The following PARN variants were observed in gnomAD, a reference collection of about 807,000 sequenced individuals.
The protein encoded by PARN is poly(A)-specific ribonuclease PARN.
PARN carries 71 observed loss-of-function variants against 102.8 expected under a neutral mutation model. The observed-to-expected ratio is 0.69, with a 90% CI of 0.57 to 0.84. PARN has a LOEUF of 0.84. Ranked by LOEUF, PARN falls within the 40% of genes least tolerant of loss-of-function variation. The pLI is 0.00. For missense variants in PARN, 782 were observed against 760.9 expected, an observed-to-expected ratio of 1.03 and a Z score of -0.33; for synonymous variants, 261 against 252.9, an observed-to-expected ratio of 1.03 and a Z score of -0.30.
intron 22 of PARN, among the ~76,000 whole-genome samples, chr16:14,478,798 T>C (rs74452962): frequency 9.2e-5 from 14 of 152,246 alleles, no homozygotes; most frequent in Admixed American, 9.2e-4. Context: ...TTCTTTTTTT[T>C]GAGATGAAGT....
chr16:14,586,275 C>A, intron 14 of PARN, 43 bp downstream of exon 14: 2 of 1,301,254 alleles, frequency 1.5e-6, no homozygotes, highest in Non-Finnish European at 2.2e-6. Context: ...CCGTGCCCAG[C>A]CAACTTTTTT....
At chr16:14,542,568 A>T (rs2911480) in intron 21 of PARN, among the ~76,000 whole-genome samples, 114,581 of 140,842 alleles carry the variant, frequency 0.81, 44,163 homozygotes, top group East Asian at 0.99. Flanking sequence ...CAAAAAAATT[A>T]AAAAAAAAAA....
chr16:14,490,836 T>G (rs1407782562), intron 21 of PARN, among the ~76,000 whole-genome samples: 1 of 152,220 alleles, frequency 6.6e-6, no homozygotes, highest in African/African-American at 2.4e-5. Flanking sequence ...TTACAACAGA[T>G]GGACAGCCTC....
At chr16:14,628,043 T>A in intron 3 of PARN, 129 bp downstream of exon 3, 1 of 669,642 alleles carries the variant, frequency 1.5e-6, no homozygotes, top group Non-Finnish European at 2.6e-6. Context: ...AATCACTTCA[T>A]GGCTAGGTTT....
chr16:14,617,198 C>T (rs559449779), intron 6 of PARN, among the ~76,000 whole-genome samples: 1 of 151,208 alleles, frequency 6.6e-6, no homozygotes, highest in African/African-American at 2.4e-5. Context: ...TCCTGGCTAA[C>T]ACGGTGAAAC....
intron 21 of PARN, among the ~76,000 whole-genome samples, chr16:14,493,366 C>G (rs990894335): frequency 1.3e-5 from 2 of 152,200 alleles, no homozygotes; most frequent in Admixed American, 6.5e-5. Context: ...CAGGTGCATG[C>G]TACAACACCT....
rs1963459057 is a variant in PARN, at chr16:14,482,845, AAAAAT to A, written c.1481-23_1481-19del. On this transcript the variant is annotated intron_variant, in intron 21 of 23. Coordinates refer to ENST00000437198, the MANE Select transcript of PARN (RefSeq NM_002582.4). ...ATTGACAGCTACAAGGAAAAGAAAA[AAAAAT>A]AAAATGCTTACAAAAGTCTGGCCTA... The A allele has an allele frequency of 6.3e-7, 1 of 1,582,118 alleles. No individual in the cohort carries two copies.
At chr16:14,626,102 CAGT>C (rs1454184871) in intron 5 of PARN, among the ~76,000 whole-genome samples, 2 of 152,126 alleles carry the variant, frequency 1.3e-5, no homozygotes, top group Non-Finnish European at 2.9e-5. Context: ...TCAAGAGAAA[CAGT>C]AGTTTTTTTT....
chr16:14,476,029 C>T (rs1451984014), intron 22 of PARN, among the ~76,000 whole-genome samples: 1 of 151,982 alleles, frequency 6.6e-6, no homozygotes, highest in Non-Finnish European at 1.5e-5. Flanking sequence ...TGAAGTAGTA[C>T]ATTTTTTACT....
chr16:14,453,490 G>C (rs983758666), intron 22 of PARN, among the ~76,000 whole-genome samples: 3 of 152,140 alleles, frequency 2.0e-5, no homozygotes, highest in Non-Finnish European at 4.4e-5. Context: ...TATTTTAAAT[G>C]TACAGTTTGG....
chr16:14,449,190 CTG>C (rs1028091969), intron 22 of PARN, among the ~76,000 whole-genome samples: 3 of 152,102 alleles, frequency 2.0e-5, no homozygotes, highest in Non-Finnish European at 2.9e-5. Context: ...TAAAAATACT[CTG>C]TGAAATACAA....
chr16:14,446,482 G>C (rs750071439), intron 23 of PARN, among the ~76,000 whole-genome samples: 44 of 152,292 alleles, frequency 2.9e-4, no homozygotes, highest in Middle Eastern at 6.8e-3. Flanking sequence ...CTGCTTCGGA[G>C]AGAAATCCAG....
At chr16:14,586,408 C>T in intron 13 of PARN, 47 bp from the exon 14 acceptor site, 2 of 1,160,126 alleles carry the variant, frequency 1.7e-6, no homozygotes, top group Non-Finnish European at 2.5e-6. Flanking sequence ...AATACACTCG[C>T]AGTATTAAAA....
intron 21 of PARN, among the ~76,000 whole-genome samples, chr16:14,496,544 T>G (rs1296437582): frequency 1.3e-5 from 2 of 152,186 alleles, no homozygotes; most frequent in Non-Finnish European, 2.9e-5. Flanking sequence ...CTGAAAGACC[T>G]AAGCAATTTA....
Position 14,435,895 on chromosome 16 carries a change from T to TACACACAC in PARN, c.*821_*822insGTGTGTGT, listed in dbSNP as rs1567277256. 2.8e-5 allele frequency: 3 copies of TACACACAC among 108,068 alleles called. No individual in the cohort carries two copies. Among genetic ancestry groups the TACACACAC allele is most frequent in the South Asian group, 8.1e-4 (2 of 2,468 alleles). 6.7% of individuals were successfully genotyped at this position (108,068 alleles called of 1,614,324 possible). Reference sequence around the variant, plus strand: ...GGGACATGTTGTAGATTTGCACGATTTCACACACACACACACACACACACA... The same window carrying TACACACAC: ...GGGACATGTTGTAGATTTGCACGATTACACACACTCACACACACACACACACACACACA... On this transcript the variant is annotated 3_prime_UTR_variant, in exon 24 of 24. Transcript: ENST00000437198.
At chr16:14,616,429 G>A (rs867971399) in intron 6 of PARN, among the ~76,000 whole-genome samples, 13 of 152,204 alleles carry the variant, frequency 8.5e-5, no homozygotes, top group African/African-American at 2.9e-4. Flanking sequence ...AAGAAACTAA[G>A]AAACTGTCTC....
chr16:14,523,288 A>G (rs1965834976), intron 21 of PARN, among the ~76,000 whole-genome samples: 1 of 151,852 alleles, frequency 6.6e-6, no homozygotes. Context: ...ATATCCCCCA[A>G]TTATAAACTC....
At chr16:14,557,108 A>G (rs1029388285) in intron 18 of PARN, among the ~76,000 whole-genome samples, 1 of 152,190 alleles carries the variant, frequency 6.6e-6, no homozygotes, top group Non-Finnish European at 1.5e-5. Flanking sequence ...GTTGTGTGTA[A>G]GATTATTTTA....
At chr16:14,532,327 T>A (rs1966387670) in intron 21 of PARN, among the ~76,000 whole-genome samples, 1 of 151,624 alleles carries the variant, frequency 6.6e-6, no homozygotes, top group African/African-American at 2.4e-5. Context: ...CCTGCGGCCT[T>A]CCGCAGTGTT....
Sources: allele counts gnomAD v4.1 joint callset (sites outside exome capture counted in the v4.1 genomes callset), GRCh38; gene constraint gnomAD v4.1.1; transcripts MANE v1.5; gene names NCBI Gene and HGNC (gene_info 2026-07-23, HGNC 2026-07-21).